Variants in UBE2S observed in about 807,000 individuals in gnomAD.
UBE2S encodes the protein ubiquitin conjugating enzyme E2 S.
In UBE2S, 3 loss-of-function variants were observed where a neutral mutation model predicts 12.3. The observed-to-expected ratio is 0.24, with a 90% CI of 0.11 to 0.63. The LOEUF is 0.63. UBE2S is among the 30% of genes least tolerant of loss of function. The pLI is 0.85. For missense variants in UBE2S, 211 were observed against 313.9 expected (o/e 0.67, Z 2.48); for synonymous variants, 133 against 142.0 (o/e 0.94, Z 0.45).
rs10402826 is a variant in UBE2S at position 55,401,385 on chromosome 19, G to A, written c.*51C>T. The A allele has an allele frequency of 8.1e-7, 1 of 1,230,866 alleles. No homozygotes were observed. The highest frequency in any genetic ancestry group is 1.5e-5 in the African/African-American group (1 of 66,342). 76.2% of individuals were successfully genotyped at this position (1,230,866 alleles called of 1,614,324 possible). On this transcript the variant is annotated 3_prime_UTR_variant, in exon 4 of 4. Coordinates refer to ENST00000264552, the MANE Select transcript of UBE2S (RefSeq NM_014501.3). Reference sequence around the variant, plus strand: ...TAAATAACTTAGAGACAGAGTTGGAGGGAGGGGACAGGAGAGGTTGGGGTC... The same window carrying A: ...TAAATAACTTAGAGACAGAGTTGGAAGGAGGGGACAGGAGAGGTTGGGGTC...
In UBE2S at chr19:55,401,634, G is replaced by A. The variant is rs759749637; in HGVS notation, c.471C>T (p.Gly157=). The part of the protein sequence containing the change: ...RARLLTEIHG[G]AGGPSGRAEA... ...CGGCCCTGCCGCTGGGCCCGCCGGC[G>A]CCCCCGTGGATCTCTGTGAGCAGAC... The change falls in exon 4 of 4, where the codon GGC becomes GGT. Residue 157 remains glycine (G), a synonymous_variant. Transcript: ENST00000264552. 119 of 1,606,104 alleles carry A rather than the reference G, an allele frequency of 7.4e-5. No individual in the cohort carries two copies. The East Asian group carries it at 1.6e-3, about 21-fold the overall frequency.
Position 55,406,715 on chromosome 19 carries a change from C to G in UBE2S, c.151+100G>C, listed in dbSNP as rs757729306. 30 of 1,466,174 alleles carry G rather than the reference C, an allele frequency of 2.0e-5. No homozygotes were observed. The South Asian group carries it at 3.7e-4, about 18-fold the overall frequency. 90.8% of individuals were successfully genotyped at this position (1,466,174 alleles called of 1,614,324 possible). On this transcript the variant is annotated intron_variant, in intron 2 of 3. Coordinates refer to ENST00000264552, the MANE Select transcript of UBE2S (RefSeq NM_014501.3). ...CACCAATGCATCCCAACACCTGACA[C>G]GAGGCCAGCCTGTAATGGGTACTTC...
At position 55,400,482 on chromosome 19, in the gene UBE2S, A is replaced by G; in HGVS notation, c.*954T>C. 6.6e-6 allele frequency: 1 copy of G among 152,226 alleles called. No individual in the cohort carries two copies. The highest frequency in any genetic ancestry group is 1.9e-4 in the East Asian group (1 of 5,202). 9.4% of individuals were successfully genotyped at this position (152,226 alleles called of 1,614,324 possible). A position where few individuals can be genotyped will look rare whatever the true frequency, so the allele number is the denominator to read the frequency against. ...GGGATCTTACCCCTGTGATTTAGTC[A>G]TTATCACTTAAGTATCTGGATGGGC... On this transcript the variant is annotated 3_prime_UTR_variant, in exon 4 of 4. Coordinates refer to ENST00000264552, the MANE Select transcript of UBE2S (RefSeq NM_014501.3).
At chr19:55,405,514 A>G (rs556238908) in intron 2 of UBE2S, among the ~76,000 whole-genome samples, 1 of 151,874 alleles carries the variant, frequency 6.6e-6, no homozygotes, top group South Asian at 2.1e-4. Flanking sequence ...GTTTAGAGAG[A>G]GAAAAAAAAA....
chr19:55,406,750 T>G (rs1600323405), intron 2 of UBE2S, 65 bp downstream of exon 2: 1 of 1,545,624 alleles, frequency 6.5e-7, no homozygotes, highest in Non-Finnish European at 8.8e-7. Context: ...CCCGCTAGGG[T>G]GATCTAGAGC....
chr19:55,404,097 C>T lies in UBE2S; in HGVS notation c.342+191G>A. 1 of 673,088 alleles carries T rather than the reference C, an allele frequency of 1.5e-6. No individual in the cohort carries two copies. The highest frequency in any genetic ancestry group is 2.5e-6 in the Non-Finnish European group (1 of 402,952). 41.7% of individuals were successfully genotyped at this position (673,088 alleles called of 1,614,324 possible). On this transcript the variant is annotated intron_variant, in intron 3 of 3. Coordinates refer to ENST00000264552, the MANE Select transcript of UBE2S (RefSeq NM_014501.3). This position sits in a 1 kb window ranked among gnomAD's most constrained non-coding sequence, Gnocchi z 4.4. ...TAGTAAGGTGCTCCTGGGCACTTCTCAACAGTACTTGGGTGTCCTGGGTCT... is the reference window on the plus strand; with the variant it reads ...TAGTAAGGTGCTCCTGGGCACTTCTTAACAGTACTTGGGTGTCCTGGGTCT...
At position 55,404,576 on chromosome 19, in the gene UBE2S, G is replaced by A. The variant is rs532289326; in HGVS notation, c.152-98C>T. The A allele has an allele frequency of 3.5e-6, 4 of 1,159,046 alleles. No homozygotes were observed. In the South Asian group the frequency reaches 4.8e-5, roughly 14 times the overall value. 71.8% of individuals were successfully genotyped at this position (1,159,046 alleles called of 1,614,324 possible). ...TCTCCACGGTCTGATTGTGATGCAG[G>A]TGGGTGCCCCGCCAACTCTGCCAAC... On this transcript the variant is annotated intron_variant, in intron 2 of 3. Coordinates refer to ENST00000264552, the MANE Select transcript of UBE2S (RefSeq NM_014501.3). The surrounding 1 kb of genome is among the most constrained non-coding windows in gnomAD (Gnocchi z 4.4).
intron 2 of UBE2S, among the ~76,000 whole-genome samples, chr19:55,405,526 G>A (rs2090091387): frequency 6.6e-6 from 1 of 151,578 alleles, no homozygotes; most frequent in Admixed American, 6.6e-5. Context: ...AAAAAAAAAA[G>A]AGCAAGAATG....
rs1569047367 is a variant in UBE2S at position 55,400,497 on chromosome 19, T to A, written c.*939A>T. The A allele has an allele frequency of 6.6e-6, 1 of 152,288 alleles. No homozygotes were observed. The highest frequency in any genetic ancestry group is 1.5e-5 in the Non-Finnish European group (1 of 68,020). The allele number at this position is 152,288 out of a possible 1,614,324, so 9.4% of individuals were successfully genotyped here. A position where few individuals can be genotyped will look rare whatever the true frequency, so the allele number is the denominator to read the frequency against. On this transcript the variant is annotated 3_prime_UTR_variant, in exon 4 of 4. Coordinates refer to ENST00000264552, the MANE Select transcript of UBE2S (RefSeq NM_014501.3). ...TGATTTAGTCATTATCACTTAAGTA[T>A]CTGGATGGGCCTGACCTAATCCGGT...
Position 55,401,117 on chromosome 19 carries a change from A to G in UBE2S, c.*319T>C, listed in dbSNP as rs2090054104. The G allele has an allele frequency of 9.6e-6, 4 of 418,718 alleles. No homozygotes were observed. Among genetic ancestry groups the G allele is most frequent in the Non-Finnish European group, 1.7e-5 (4 of 232,960 alleles). 25.9% of individuals were successfully genotyped at this position (418,718 alleles called of 1,614,324 possible). Reference sequence around the variant, plus strand: ...TGTGACCGCTCTACCTCCACAGAACAAAGAGGTGGACCCAAACCTCAAACA... The same window carrying G: ...TGTGACCGCTCTACCTCCACAGAACGAAGAGGTGGACCCAAACCTCAAACA... On this transcript the variant is annotated 3_prime_UTR_variant, in exon 4 of 4. Coordinates refer to ENST00000264552, the MANE Select transcript of UBE2S (RefSeq NM_014501.3).
chr19:55,401,506 G>A lies in UBE2S; in HGVS notation c.599C>T (p.Ala200Val). The change falls in exon 4 of 4, where the codon GCT becomes GTT. Residue 200 changes from alanine to valine, a missense_variant. Physicochemically the swap from Ala to Val is moderately conservative, Grantham distance 64 (BLOSUM62 0). Around this residue, in one of 2 missense-constraint regions of UBE2S, gnomAD observed 84 missense variants for 89.9 expected, o/e 0.93. Coordinates refer to ENST00000264552, the MANE Select transcript of UBE2S (RefSeq NM_014501.3). ...CGCCAGCTTCTTATCGCGCTCGCCA[G>A]CATGCTTCTTGGCCATGGGACCCTC... is the stretch of plus-strand genomic sequence containing the variant. ...GAEGPMAKKH[A>V]GERDKKLAAK... 6.2e-7 allele frequency: 1 copy of A among 1,609,942 alleles called. No individual in the cohort carries two copies. Among genetic ancestry groups the A allele is most frequent in the Non-Finnish European group, 8.5e-7 (1 of 1,179,714 alleles).
intron 3 of UBE2S, chr19:55,402,988 C>G: frequency 6.5e-7 from 1 of 1,534,916 alleles, no homozygotes; most frequent in Non-Finnish European, 8.7e-7. Flanking sequence ...CAGCCTGGAG[C>G]ACCAGCCTAG....
chr19:55,406,074 G>C (rs916769599), intron 2 of UBE2S, among the ~76,000 whole-genome samples: 1 of 152,200 alleles, frequency 6.6e-6, no homozygotes, highest in African/African-American at 2.4e-5. Context: ...AAAAGAGCTT[G>C]GCAGCTTCAT....
rs994354254 is a variant in UBE2S, at chr19:55,404,066, G to A, written c.342+222C>T. 7.6e-5 allele frequency: 43 copies of A among 565,382 alleles called. No individual in the cohort carries two copies. The East Asian group carries it at 1.2e-3, about 15-fold the overall frequency. 35.0% of individuals were successfully genotyped at this position (565,382 alleles called of 1,614,324 possible). A position where few individuals can be genotyped will look rare whatever the true frequency, so the allele number is the denominator to read the frequency against. ...ATCCTACAATACAAACTCACCACTC[G>A]TTGCATAGTAAGGTGCTCCTGGGCA... On this transcript the variant is annotated intron_variant, in intron 3 of 3. Coordinates refer to ENST00000264552, the MANE Select transcript of UBE2S (RefSeq NM_014501.3). The surrounding 1 kb of genome is among the most constrained non-coding windows in gnomAD (Gnocchi z 4.4).
At chr19:55,406,245 C>CACCT (rs2090095457) in intron 2 of UBE2S, among the ~76,000 whole-genome samples, 2 of 152,226 alleles carry the variant, frequency 1.3e-5, no homozygotes, top group African/African-American at 2.4e-5. Context: ...CTACCACCAT[C>CACCT]ACCACCGTGG....
At position 55,404,271 on chromosome 19, in the gene UBE2S, C is replaced by T; in HGVS notation, c.342+17G>A. On this transcript the variant is annotated intron_variant, in intron 3 of 3. Transcript: ENST00000264552. The surrounding 1 kb of genome is among the most constrained non-coding windows in gnomAD (Gnocchi z 4.4). ...AGAGGCAGGAGGCAGGAGGCCCAGC[C>T]CCAGCCCAGAACTCACCAGCAGTAC... 1 of 1,609,950 alleles carries T rather than the reference C, an allele frequency of 6.2e-7. No individual in the cohort carries two copies. The highest frequency in any genetic ancestry group is 8.5e-7 in the Non-Finnish European group (1 of 1,179,716).
Position 55,402,371 on chromosome 19 carries a change from C to G in UBE2S, c.343-609G>C, listed in dbSNP as rs2090066287. 2.0e-5 allele frequency among the ~76,000 whole-genome samples: 3 copies of G among 152,230 alleles called. 1 individual carries two copies. The South Asian group carries it at 6.2e-4, about 31-fold the overall frequency. The stretch of plus-strand genomic sequence containing the variant: ...GGACCACACACAAGAGGGCAAGACA[C>G]CAGGACTGCTGGCTGAGGTGCACTT... On this transcript the variant is annotated intron_variant, in intron 3 of 3. Transcript: ENST00000264552.
rs2090051612 is a variant in UBE2S at position 55,400,820 on chromosome 19, T to G, written c.*616A>C. 1 of 152,924 alleles carries G rather than the reference T, an allele frequency of 6.5e-6. No homozygotes were observed. The highest frequency in any genetic ancestry group is 2.1e-4 in the South Asian group (1 of 4,862). The allele number at this position is 152,924 out of a possible 1,614,324, so 9.5% of individuals were successfully genotyped here. On this transcript the variant is annotated 3_prime_UTR_variant, in exon 4 of 4. Coordinates refer to ENST00000264552, the MANE Select transcript of UBE2S (RefSeq NM_014501.3). ...CAGAAATACATGTGGGAACAGGCTT[T>G]GCTGCCCACAAGGGAAAAACCAATC...
chr19:55,404,899 A>G lies in UBE2S; in HGVS notation c.152-421T>C, dbSNP rs2090086565. 6.7e-6 allele frequency among the ~76,000 whole-genome samples: 1 copy of G among 149,152 alleles called. No homozygotes were observed. Among genetic ancestry groups the G allele is most frequent in the African/African-American group, 2.5e-5 (1 of 40,760 alleles). ...ATTACAGGCGTGAACCACCATGCCC[A>G]GTCAGGCTGTAGAATTCTTAAGAGC... On this transcript the variant is annotated intron_variant, in intron 2 of 3. Coordinates refer to ENST00000264552, the MANE Select transcript of UBE2S (RefSeq NM_014501.3). The surrounding 1 kb of genome is among the most constrained non-coding windows in gnomAD (Gnocchi z 4.4).
Sources: gnomAD v4.1 joint callset for allele counts (sites outside exome capture counted in the v4.1 genomes callset) on GRCh38, gnomAD v4.1.1 for gene constraint, gnomAD v4.1.1 regional missense constraint, Gnocchi (gnomAD v3.1) non-coding constraint, MANE v1.5 for transcripts, NCBI Gene and HGNC (gene_info 2026-07-23, HGNC 2026-07-21) for gene names.